The following ZDHHC5 variants were observed in gnomAD, a reference collection of about 807,000 sequenced individuals.
The protein encoded by ZDHHC5 is zDHHC palmitoyltransferase 5, also known as palmitoyltransferase ZDHHC5.
A neutral mutation model predicts 70.0 loss-of-function variants in ZDHHC5; 22 were observed. The ratio of observed to expected loss-of-function variants is 0.31; its 90% CI spans 0.22 to 0.45. The LOEUF is 0.45. ZDHHC5 is among the 20% of genes least tolerant of loss of function. The probability of loss-of-function intolerance (pLI) is 1.00; values close to 1 mark genes in which losing one functional copy is unlikely to be tolerated. For synonymous variants in ZDHHC5, 313 were observed against 347.8 expected (o/e 0.90, Z 1.11); for missense variants, 746 against 926.9 (o/e 0.80, Z 2.53).
At chr11:57,691,111 G>T in intron 6 of ZDHHC5, among the ~76,000 whole-genome samples, 1 of 151,746 alleles carries the variant, frequency 6.6e-6, no homozygotes, top group Middle Eastern at 3.4e-3. Flanking sequence ...TTGATCTGTC[G>T]CCCAGGCTGG....
At chr11:57,678,926 C>A (rs1026315890) in intron 2 of ZDHHC5, among the ~76,000 whole-genome samples, 3 of 152,120 alleles carry the variant, frequency 2.0e-5, no homozygotes, top group African/African-American at 7.2e-5. Context: ...TACTATGTAG[C>A]TGAAGTAACA....
intron 3 of ZDHHC5, 23 bp downstream of exon 3, chr11:57,682,566 A>G (rs750431926): frequency 1.2e-6 from 2 of 1,612,940 alleles, no homozygotes; most frequent in East Asian, 2.2e-5. Context: ...TCTCTCTTAG[A>G]AGCACCTTAC....
rs760767828 is a variant in ZDHHC5, at chr11:57,699,929, A to C, written c.2046A>C (p.Ser682=). Residue 682 remains serine (S), a synonymous_variant, in exon 12 of 12, where the codon TCA becomes TCC. Coordinates refer to ENST00000287169, the MANE Select transcript of ZDHHC5 (RefSeq NM_015457.3). Reference sequence around the variant, plus strand: ...ACGGGCAGCCCAAGAGCTTAGGCTCAGCCTCCCCTGGCCCAGGCCAGCCAC... The same window carrying C: ...ACGGGCAGCCCAAGAGCTTAGGCTCCGCCTCCCCTGGCCCAGGCCAGCCAC... ...KSNGQPKSLG[S]ASPGPGQPPL... is the part of the protein sequence containing the mutation. The C allele has an allele frequency of 1.2e-6, 2 of 1,614,260 alleles. No homozygotes were observed. Among genetic ancestry groups the C allele is most frequent in the South Asian group, 1.1e-5 (1 of 91,086 alleles).
intron 6 of ZDHHC5, among the ~76,000 whole-genome samples, chr11:57,691,472 C>G (rs1590867974): frequency 6.6e-6 from 1 of 152,160 alleles, no homozygotes; most frequent in Admixed American, 6.5e-5. Flanking sequence ...GCAGGGATTA[C>G]AGGCATGAGC....
At chr11:57,673,264 C>A in intron 2 of ZDHHC5, 70 bp downstream of exon 2, 1 of 1,520,696 alleles carries the variant, frequency 6.6e-7, no homozygotes, top group Non-Finnish European at 9.1e-7. Context: ...ATAACGCTTT[C>A]TCTTGAGTTT....
Position 57,698,833 on chromosome 11 carries a change from G to A in ZDHHC5, c.1397G>A (p.Gly466Glu). The A allele has an allele frequency of 1.9e-6, 3 of 1,614,184 alleles. No homozygotes were observed. Among genetic ancestry groups the A allele is most frequent in the Non-Finnish European group, 2.5e-6 (3 of 1,180,032 alleles). ...YKSLANQTRNGSLSYDSLLTP... is the reference protein window; with the variant it reads ...YKSLANQTRNESLSYDSLLTP... The stretch of plus-strand genomic sequence containing the variant: ...AGCCTGGCCAACCAGACACGCAATG[G>A]AAGCCTATCTTATGACAGCTTGCTC... The change falls in exon 11 of 12, where the codon GGA becomes GAA. Residue 466 changes from glycine (G) to glutamate (E), a missense_variant. Around this residue, in one of 6 missense-constraint regions of ZDHHC5, gnomAD observed 340 missense variants for 350.1 expected, o/e 0.97. Transcript: ENST00000287169.
Position 57,672,165 on chromosome 11 carries a change from A to C in ZDHHC5, c.-926A>C. On this transcript the variant is annotated 5_prime_UTR_variant, in exon 2 of 12. Coordinates refer to ENST00000287169, the MANE Select transcript of ZDHHC5 (RefSeq NM_015457.3). ...AAACTTTTGAAGTGTCATCAATTGG[A>C]ATTGATTTCTTCATCTTATTCTGCC... The C allele has an allele frequency of 2.5e-6, 1 of 398,352 alleles. No individual in the cohort carries two copies. Among genetic ancestry groups the C allele is most frequent in the Non-Finnish European group, 4.4e-6 (1 of 225,980 alleles). The allele number at this position is 398,352 out of a possible 1,614,324, so 24.7% of individuals were successfully genotyped here. A position where few individuals can be genotyped will look rare whatever the true frequency, so the allele number is the denominator to read the frequency against.
chr11:57,700,183 G>T lies in ZDHHC5; in HGVS notation c.*152G>T. 9.3e-7 allele frequency: 1 copy of T among 1,071,774 alleles called. No homozygotes were observed. The highest frequency in any genetic ancestry group is 1.3e-6 in the Non-Finnish European group (1 of 777,826). The allele number at this position is 1,071,774 out of a possible 1,614,324, so 66.4% of individuals were successfully genotyped here. A position where few individuals can be genotyped will look rare whatever the true frequency, so the allele number is the denominator to read the frequency against. On this transcript the variant is annotated 3_prime_UTR_variant, in exon 12 of 12. Transcript: ENST00000287169. ...GATGAGGAGTGTTTTCTAAAATGCA[G>T]TAGGCTTGGGGAGTCGGAGAGTTGG... is the stretch of plus-strand genomic sequence containing the variant.
chr11:57,685,422 G>A (rs375260679), intron 3 of ZDHHC5, among the ~76,000 whole-genome samples: 9 of 151,824 alleles, frequency 5.9e-5, no homozygotes, highest in African/African-American at 1.2e-4. Flanking sequence ...AGGCCAGGGC[G>A]GATCACTTGA....
At chr11:57,679,017 C>G (rs1238545354) in intron 2 of ZDHHC5, among the ~76,000 whole-genome samples, 1 of 152,140 alleles carries the variant, frequency 6.6e-6, no homozygotes, top group East Asian at 1.9e-4. Context: ...TCCAAAGATT[C>G]TTGACTCCTA....
intron 3 of ZDHHC5, among the ~76,000 whole-genome samples, chr11:57,687,077 C>T: frequency 6.6e-6 from 1 of 151,460 alleles, no homozygotes; most frequent in South Asian, 2.1e-4. Flanking sequence ...GTCATCTGCC[C>T]TCCTTGGCCT....
At chr11:57,683,883 A>AAT (rs1414449975) in intron 3 of ZDHHC5, among the ~76,000 whole-genome samples, 2 of 152,318 alleles carry the variant, frequency 1.3e-5, no homozygotes, top group Non-Finnish European at 2.9e-5. Context: ...AAATTCATCA[A>AAT]ATAGCCGATG....
chr11:57,698,176 AAAG>A (rs767409785), intron 10 of ZDHHC5, among the ~76,000 whole-genome samples: 59 of 151,512 alleles, frequency 3.9e-4, no homozygotes, highest in East Asian at 2.1e-3. Flanking sequence ...TACGGGAAAA[AAAG>A]AAGATTAGGG....
At position 57,675,546 on chromosome 11, in the gene ZDHHC5, G is replaced by T. The variant is rs541494870; in HGVS notation, c.104+2352G>T. Among the ~76,000 whole-genome samples, 3 of 152,224 alleles carry T rather than the reference G, an allele frequency of 2.0e-5. No homozygotes were observed. In the East Asian group the frequency reaches 5.8e-4, roughly 29 times the overall value. The stretch of plus-strand genomic sequence containing the variant: ...AATATTGACCTTATTTGGAATTATT[G>T]CCTCTCATCCAAAGTTAGAAGAACC... On this transcript the variant is annotated intron_variant, in intron 2 of 11. Transcript: ENST00000287169.
At chr11:57,693,997 TTG>T (rs1236994959) in intron 8 of ZDHHC5, 82 bp downstream of exon 8, 13 of 1,435,078 alleles carry the variant, frequency 9.1e-6, no homozygotes, top group Admixed American at 3.0e-5. Context: ...TTAGTTTCCT[TTG>T]TGTTTTTTTT....
rs569949267 is a variant in ZDHHC5, at chr11:57,690,450, G to T, written c.660+13G>T. Reference sequence around the variant, plus strand: ...AACCAATGAACAGGTATGGAGAAAAGTGACGAGAGACCCCTGAAGAGCAGG... The same window carrying T: ...AACCAATGAACAGGTATGGAGAAAATTGACGAGAGACCCCTGAAGAGCAGG... On this transcript the variant is annotated intron_variant, in intron 6 of 11. Coordinates refer to ENST00000287169, the MANE Select transcript of ZDHHC5 (RefSeq NM_015457.3). 6.2e-7 allele frequency: 1 copy of T among 1,613,814 alleles called. No individual in the cohort carries two copies. Among genetic ancestry groups the T allele is most frequent in the Admixed American group, 1.7e-5 (1 of 60,020 alleles).
rs1565192807 is a variant in ZDHHC5, at chr11:57,682,418, G to A, written c.105-4G>A. The A allele has an allele frequency of 1.9e-6, 3 of 1,609,556 alleles. No homozygotes were observed. The African/African-American group carries it at 4.0e-5, about 22-fold the overall frequency. The stretch of plus-strand genomic sequence containing the variant: ...ACCCCTCATTTTCTTTATTGTCTGT[G>A]CAGGTGTCCAGGACTAAGCCTGTAT... On this transcript the variant is annotated splice_polypyrimidine_tract_variant and splice_region_variant and intron_variant, in intron 2 of 11. Transcript: ENST00000287169.
intron 3 of ZDHHC5, among the ~76,000 whole-genome samples, chr11:57,684,895 C>A (rs1946191134): frequency 6.6e-6 from 1 of 152,098 alleles, no homozygotes; most frequent in Non-Finnish European, 1.5e-5. Context: ...CATCTTAATC[C>A]CAGCACTTTG....
chr11:57,684,164 A>G (rs1441141372), intron 3 of ZDHHC5, among the ~76,000 whole-genome samples: 1 of 152,078 alleles, frequency 6.6e-6, no homozygotes, highest in Admixed American at 6.6e-5. Flanking sequence ...TTCTTGGTAG[A>G]GATGGGGTTT....
Sources: gnomAD v4.1 joint callset for allele counts (sites outside exome capture counted in the v4.1 genomes callset) on GRCh38, gnomAD v4.1.1 for gene constraint, gnomAD v4.1.1 regional missense constraint, MANE v1.5 for transcripts, NCBI Gene and HGNC (gene_info 2026-07-23, HGNC 2026-07-21) for gene names.